Variants in RNF180 observed in about 807,000 individuals in gnomAD.
RNF180 encodes the protein E3 ubiquitin-protein ligase RNF180.
A neutral mutation model predicts 59.2 loss-of-function variants in RNF180; 38 were observed. That is an observed-to-expected ratio of 0.64 (90% CI 0.50 to 0.84). The LOEUF (loss-of-function observed/expected upper bound fraction) is 0.84, where lower values mean the gene tolerates loss of function less well. Ranked by LOEUF, RNF180 falls within the 40% of genes least tolerant of loss-of-function variation. RNF180 has a pLI of 0.00. For synonymous variants in RNF180, 262 were observed against 240.3 expected, an observed-to-expected ratio of 1.09 and a Z score of -0.84; for missense variants, 705 against 700.9, an observed-to-expected ratio of 1.01 and a Z score of -0.07.
intron 7 of RNF180, among the ~76,000 whole-genome samples, chr5:64,331,749 C>T (rs1318681424): frequency 6.6e-6 from 1 of 152,100 alleles, no homozygotes; most frequent in East Asian, 1.9e-4. Context: ...TGAAACACAC[C>T]CCCGCCCCAT....
chr5:64,241,382 G>T (rs1742798312), intron 5 of RNF180, among the ~76,000 whole-genome samples: 1 of 152,146 alleles, frequency 6.6e-6, no homozygotes, highest in South Asian at 2.1e-4. Flanking sequence ...GTACAAAAGG[G>T]ACAGATGTGG....
chr5:64,343,755 A>T (rs1012963861), intron 7 of RNF180, among the ~76,000 whole-genome samples: 11 of 151,626 alleles, frequency 7.3e-5, no homozygotes, highest in Admixed American at 2.0e-4. Flanking sequence ...GCTAACCAAG[A>T]ATTCTTTATC....
At chr5:64,206,912 G>A (rs907538791) in intron 2 of RNF180, among the ~76,000 whole-genome samples, 10 of 152,066 alleles carry the variant, frequency 6.6e-5, no homozygotes, top group African/African-American at 2.4e-4. Context: ...GAGAAAATAA[G>A]TTGCTATTGT....
chr5:64,228,126 A>G (rs1313591454), intron 5 of RNF180, among the ~76,000 whole-genome samples: 2 of 152,228 alleles, frequency 1.3e-5, no homozygotes, highest in African/African-American at 4.8e-5. Context: ...TCCTTTTTAC[A>G]AAGTAATATT....
Position 64,214,061 on chromosome 5 carries a change from A to G in RNF180, c.735A>G (p.Leu245=). Residue 245 remains leucine (L), a synonymous_variant, in exon 4 of 8, where the codon TTA becomes TTG. Transcript: ENST00000389100. ...ISEKLTLLPT[L]YEIHSKTTAY... is the part of the protein sequence containing the mutation. ...AGAAACTGACTTTATTACCCACTTT[A>G]TATGAAATACATAGTAAGACTACTG... 1 of 1,613,968 alleles carries G rather than the reference A, an allele frequency of 6.2e-7. No individual in the cohort carries two copies. The highest frequency in any genetic ancestry group is 8.5e-7 in the Non-Finnish European group (1 of 1,179,858).
intron 5 of RNF180, among the ~76,000 whole-genome samples, chr5:64,232,628 A>G (rs1326181315): frequency 6.6e-6 from 1 of 152,260 alleles, no homozygotes; most frequent in East Asian, 1.9e-4. Context: ...AAGAATGAAA[A>G]TGAATAAACC....
At chr5:64,190,723 G>A (rs1751101815) in intron 1 of RNF180, among the ~76,000 whole-genome samples, 1 of 152,166 alleles carries the variant, frequency 6.6e-6, no homozygotes, top group Non-Finnish European at 1.5e-5. Context: ...GTTCCTAAGA[G>A]GAGGAGACAC....
intron 1 of RNF180, among the ~76,000 whole-genome samples, chr5:64,200,512 G>A (rs1751688494): frequency 6.6e-6 from 1 of 152,076 alleles, no homozygotes; most frequent in African/African-American, 2.4e-5. Context: ...TCTACAGATT[G>A]TGTTTACCAC....
intron 5 of RNF180, among the ~76,000 whole-genome samples, chr5:64,262,671 T>C (rs1240803789): frequency 6.6e-6 from 1 of 152,206 alleles, no homozygotes; most frequent in Admixed American, 6.5e-5. Context: ...ATGAGAAACA[T>C]GCACTCATTC....
intron 5 of RNF180, among the ~76,000 whole-genome samples, chr5:64,319,838 T>C (rs543636362): frequency 6.6e-6 from 1 of 152,348 alleles, no homozygotes; most frequent in South Asian, 2.1e-4. Flanking sequence ...ACAAATATTT[T>C]GTACAGTTGA....
intron 5 of RNF180, among the ~76,000 whole-genome samples, chr5:64,227,935 C>T (rs891038504): frequency 3.3e-5 from 5 of 152,060 alleles, no homozygotes; most frequent in African/African-American, 1.2e-4. Context: ...TTTTTAAAAC[C>T]ATAGTCACTT....
intron 1 of RNF180, among the ~76,000 whole-genome samples, chr5:64,167,659 A>G (rs1449994124): frequency 6.6e-6 from 1 of 152,196 alleles, no homozygotes; most frequent in Non-Finnish European, 1.5e-5. Context: ...GTAATATGAC[A>G]TAGCTACCTG....
chr5:64,223,373 A>T (rs928223806), intron 5 of RNF180, among the ~76,000 whole-genome samples: 1 of 152,188 alleles, frequency 6.6e-6, no homozygotes, highest in Non-Finnish European at 1.5e-5. Context: ...TTTCCCATGT[A>T]AGGTAGTACA....
intron 5 of RNF180, among the ~76,000 whole-genome samples, chr5:64,276,540 G>C (rs1430419849): frequency 6.6e-6 from 1 of 152,118 alleles, no homozygotes; most frequent in Admixed American, 6.6e-5. Context: ...AGATTTAACA[G>C]ATCTAGAACC....
chr5:64,180,443 C>T (rs1206402401), intron 1 of RNF180, among the ~76,000 whole-genome samples: 2 of 152,140 alleles, frequency 1.3e-5, no homozygotes, highest in Admixed American at 1.3e-4. Flanking sequence ...GTGAAGACTC[C>T]TTCTGGTTCA....
At position 64,188,838 on chromosome 5, in the gene RNF180, T is replaced by A. The variant is rs143572825; in HGVS notation, c.1-11970T>A. Among the ~76,000 whole-genome samples the A allele has an allele frequency of 5.2e-3, 796 of 152,260 alleles. 7 individuals carry two copies. The highest frequency in any genetic ancestry group is 0.018 in the African/African-American group (762 of 41,556). The stretch of plus-strand genomic sequence containing the variant: ...GGCTTGGGTTCTATAGGTACTGTTA[T>A]GGACTGAATTGTGTCCCTCACCGCC... On this transcript the variant is annotated intron_variant, in intron 1 of 7. Transcript: ENST00000389100.
At chr5:64,210,981 T>A (rs1300475277) in intron 2 of RNF180, among the ~76,000 whole-genome samples, 1 of 151,576 alleles carries the variant, frequency 6.6e-6, no homozygotes, top group Non-Finnish European at 1.5e-5. Context: ...CCATGGAGAG[T>A]GAGGAGCTGG....
At chr5:64,277,778 T>G (rs1741805996) in intron 5 of RNF180, among the ~76,000 whole-genome samples, 2 of 152,106 alleles carry the variant, frequency 1.3e-5, no homozygotes, top group South Asian at 4.1e-4. Flanking sequence ...AAAGGAATAG[T>G]GTCAGCTCCT....
chr5:64,168,030 G>T (rs112401565), intron 1 of RNF180, among the ~76,000 whole-genome samples: 43 of 152,240 alleles, frequency 2.8e-4, no homozygotes, highest in African/African-American at 9.6e-4. Context: ...TTAGAGAGTG[G>T]TCATTCCAAG....
Sources: allele counts gnomAD v4.1 joint callset (sites outside exome capture counted in the v4.1 genomes callset), GRCh38; gene constraint gnomAD v4.1.1; transcripts MANE v1.5; gene names NCBI Gene and HGNC (gene_info 2026-07-23, HGNC 2026-07-21).